Variants in CLINT1 observed in about 807,000 individuals in gnomAD.
The protein encoded by CLINT1 is clathrin interacting protein localized in the trans-Golgi region.
A neutral mutation model predicts 70.4 loss-of-function variants in CLINT1; 15 were observed. That is an observed-to-expected ratio of 0.21 (90% CI 0.14 to 0.33). CLINT1 has a LOEUF of 0.33. Ranked by LOEUF, CLINT1 falls within the 10% of genes least tolerant of loss-of-function variation. CLINT1 has a pLI of 1.00. For missense variants in CLINT1, 615 were observed against 778.1 expected, an observed-to-expected ratio of 0.79 and a Z score of 2.49; for synonymous variants, 227 against 254.7, an observed-to-expected ratio of 0.89 and a Z score of 1.04.
chr5:157,858,322 A>G (rs1753820523), intron 1 of CLINT1, among the ~76,000 whole-genome samples: 1 of 152,240 alleles, frequency 6.6e-6, no homozygotes, highest in African/African-American at 2.4e-5. Context: ...ATCTACTTTC[A>G]CTAGTGTTAG....
chr5:157,817,291 T>C (rs1344296501), intron 2 of CLINT1, among the ~76,000 whole-genome samples, 152 bp downstream of exon 2: 1 of 152,138 alleles, frequency 6.6e-6, no homozygotes, highest in Non-Finnish European at 1.5e-5. Context: ...CTTTCCACAT[T>C]AGTATCTGAA....
rs189789541 is a variant in CLINT1 at position 157,845,460 on chromosome 5, G to A, written c.41+13470C>T. On this transcript the variant is annotated intron_variant, in intron 1 of 11. Coordinates refer to ENST00000411809, the MANE Select transcript of CLINT1 (RefSeq NM_014666.4). ...ACTACTAATTCACCTTTCTGGTAGC[G>A]AAATATGGACACACCTAATTTTACT... Among the ~76,000 whole-genome samples, 56 of 152,038 alleles carry A rather than the reference G, an allele frequency of 3.7e-4. No homozygotes were observed. The East Asian group carries it at 8.5e-3, about 23-fold the overall frequency.
At chr5:157,817,075 A>C (rs1762742463) in intron 2 of CLINT1, among the ~76,000 whole-genome samples, 1 of 152,142 alleles carries the variant, frequency 6.6e-6, no homozygotes, top group South Asian at 2.1e-4. Context: ...ATTAATTAAT[A>C]TACTTTGCAA....
chr5:157,797,460 A>G (rs919265005), intron 8 of CLINT1, among the ~76,000 whole-genome samples: 8 of 152,182 alleles, frequency 5.3e-5, no homozygotes, highest in Non-Finnish European at 1.0e-4. Flanking sequence ...CTCTCAGCTC[A>G]CTGCAACCTC....
At chr5:157,851,639 A>T (rs1753578228) in intron 1 of CLINT1, among the ~76,000 whole-genome samples, 1 of 149,158 alleles carries the variant, frequency 6.7e-6, no homozygotes, top group South Asian at 2.2e-4. Flanking sequence ...TGAAGCAGAG[A>T]TGGCACCATT....
chr5:157,830,601 C>G (rs1356323548), intron 1 of CLINT1, among the ~76,000 whole-genome samples: 1 of 151,890 alleles, frequency 6.6e-6, no homozygotes, highest in Non-Finnish European at 1.5e-5. Flanking sequence ...TAAGGGCTGG[C>G]AAGATGGTTC....
intron 8 of CLINT1, among the ~76,000 whole-genome samples, chr5:157,796,759 A>C (rs575463363): frequency 6.6e-6 from 1 of 152,358 alleles, no homozygotes; most frequent in East Asian, 1.9e-4. Flanking sequence ...CAGTAATAAA[A>C]GGAACAAATC....
At chr5:157,855,314 T>C (rs1019625933) in intron 1 of CLINT1, among the ~76,000 whole-genome samples, 2 of 152,048 alleles carry the variant, frequency 1.3e-5, no homozygotes, top group African/African-American at 4.8e-5. Context: ...AGAGAGAAAA[T>C]AGAACTGCAG....
At chr5:157,805,478 G>T (rs1048197429) in intron 7 of CLINT1, among the ~76,000 whole-genome samples, 2 of 152,152 alleles carry the variant, frequency 1.3e-5, no homozygotes, top group Non-Finnish European at 2.9e-5. Flanking sequence ...GAGATAACTT[G>T]CCCCTATATA....
At chr5:157,792,180 G>GA (rs954549251) in intron 9 of CLINT1, among the ~76,000 whole-genome samples, 185 bp from the exon 10 acceptor site, 1 of 151,968 alleles carries the variant, frequency 6.6e-6, no homozygotes, top group Admixed American at 6.6e-5. Flanking sequence ...AGGTGGCAAA[G>GA]AAAAAACAAA....
chr5:157,813,135 G>A lies in CLINT1; in HGVS notation c.445C>T (p.Arg149Ter). ...TCTTTGTTCTTCTTTGCTTTCTTTC[G>A]CTCTTCACGAAGCCTGTCGTCATCC... ...AQDDDRLREE[R>*]KKAKKNKDKY... The change falls in exon 5 of 12, where the codon CGA becomes TGA. Residue 149 changes from arginine (R) to a stop codon, truncating the protein, a stop_gained. Transcript: ENST00000411809. LOFTEE classifies it high-confidence loss of function. 6.2e-7 allele frequency: 1 copy of A among 1,613,562 alleles called. No homozygotes were observed. The highest frequency in any genetic ancestry group is 8.5e-7 in the Non-Finnish European group (1 of 1,179,788).
intron 8 of CLINT1, among the ~76,000 whole-genome samples, chr5:157,803,295 A>C (rs916647367): frequency 4.6e-5 from 7 of 152,238 alleles, no homozygotes; most frequent in Non-Finnish European, 8.8e-5. Context: ...AATACTATTT[A>C]TTATTAATTA....
intron 1 of CLINT1, among the ~76,000 whole-genome samples, chr5:157,819,020 C>T (rs1414345338): frequency 6.6e-6 from 1 of 152,122 alleles, no homozygotes; most frequent in East Asian, 1.9e-4. Flanking sequence ...GCATATACCC[C>T]ACTTTTGCTA....
At chr5:157,798,560 T>C (rs1762127784) in intron 8 of CLINT1, among the ~76,000 whole-genome samples, 1 of 152,034 alleles carries the variant, frequency 6.6e-6, no homozygotes, top group East Asian at 1.9e-4. Flanking sequence ...TTACACAACA[T>C]TAAAGCAATG....
At chr5:157,852,903 G>A (rs1403773806) in intron 1 of CLINT1, among the ~76,000 whole-genome samples, 1 of 152,144 alleles carries the variant, frequency 6.6e-6, no homozygotes, top group Non-Finnish European at 1.5e-5. Context: ...AAACACAGAA[G>A]AGTAAACAGT....
At chr5:157,857,755 A>T (rs1474625168) in intron 1 of CLINT1, among the ~76,000 whole-genome samples, 1 of 152,198 alleles carries the variant, frequency 6.6e-6, no homozygotes, top group Non-Finnish European at 1.5e-5. Context: ...TGTGCTCCTT[A>T]GGCACTCTAT....
intron 7 of CLINT1, among the ~76,000 whole-genome samples, chr5:157,804,931 A>AAAAAAGAAAAAGAAAAAG (rs71285036): frequency 6.6e-6 from 1 of 150,542 alleles, no homozygotes; most frequent in Non-Finnish European, 1.5e-5. Context: ...CGGTCTTCCA[A>AAAAAAGAAAAAGAAAAAG]AAAAAGAAAA....
At chr5:157,833,362 A>G (rs1763308889) in intron 1 of CLINT1, among the ~76,000 whole-genome samples, 2 of 151,944 alleles carry the variant, frequency 1.3e-5, no homozygotes, top group African/African-American at 2.4e-5. Context: ...AAAAAAAAAA[A>G]AGGAGGAAGT....
rs1175910771 is a variant in CLINT1 at position 157,823,761 on chromosome 5, A to C, written c.42-6214T>G. The C allele has an allele frequency of 4.8e-6, 4 of 834,154 alleles. No homozygotes were observed. The African/African-American group carries it at 7.4e-5, about 15-fold the overall frequency. The allele number at this position is 834,154 out of a possible 1,614,324, so 51.7% of individuals were successfully genotyped here. The stretch of plus-strand genomic sequence containing the variant: ...AACACCCATAAAATTAACATTGTAG[A>C]ATAGGGGTACCCAACCCCCGGAGTT... On this transcript the variant is annotated intron_variant, in intron 1 of 11. Transcript: ENST00000411809.
Sources: allele counts gnomAD v4.1 joint callset (sites outside exome capture counted in the v4.1 genomes callset), GRCh38; gene constraint gnomAD v4.1.1; transcripts MANE v1.5; gene names NCBI Gene and HGNC (gene_info 2026-07-23, HGNC 2026-07-21).